Variants in AK5 observed in about 807,000 individuals in gnomAD.
AK5 encodes the protein adenylate kinase 5.
A neutral mutation model predicts 69.5 loss-of-function variants in AK5; 27 were observed. The observed-to-expected ratio is 0.39, with a 90% CI of 0.29 to 0.54. The LOEUF (loss-of-function observed/expected upper bound fraction) is 0.54, where lower values mean the gene tolerates loss of function less well. Among genes scored for constraint, AK5 ranks in the 20% least tolerant of loss-of-function variants. AK5 has a pLI of 0.71. For synonymous variants in AK5, 260 were observed against 244.4 expected (o/e 1.06, Z -0.60); for missense variants, 531 against 700.4 (o/e 0.76, Z 2.73).
chr1:77,286,859 T>C, intron 1 of AK5, 82 bp from the exon 2 acceptor site: 1 of 889,694 alleles, frequency 1.1e-6, no homozygotes, highest in Non-Finnish European at 1.5e-6. Flanking sequence ...AAAAATTAAT[T>C]AATTAAATTA....
chr1:77,529,538 T>C (rs1658467334), intron 12 of AK5, among the ~76,000 whole-genome samples: 1 of 152,192 alleles, frequency 6.6e-6, no homozygotes. Flanking sequence ...TTGGTCAGGC[T>C]AGTCTTGAAC....
At chr1:77,427,382 C>T (rs533434813) in intron 8 of AK5, among the ~76,000 whole-genome samples, 34 of 152,110 alleles carry the variant, frequency 2.2e-4, no homozygotes, top group Non-Finnish European at 3.5e-4. Flanking sequence ...GCTATGCCCA[C>T]GAATTTGATA....
At chr1:77,493,425 TG>T (rs1005955410) in intron 10 of AK5, among the ~76,000 whole-genome samples, 14 of 152,186 alleles carry the variant, frequency 9.2e-5, no homozygotes, top group Admixed American at 7.2e-4. Context: ...TGGAACTCCT[TG>T]GCCTCTATAA....
chr1:77,411,480 C>T (rs906457041), intron 7 of AK5, among the ~76,000 whole-genome samples: 45 of 152,152 alleles, frequency 3.0e-4, no homozygotes, highest in African/African-American at 9.7e-4. Context: ...ACTCCCATCC[C>T]AACCCACAGC....
intron 8 of AK5, among the ~76,000 whole-genome samples, chr1:77,441,134 G>A (rs1013893498): frequency 3.3e-5 from 5 of 151,958 alleles, no homozygotes; most frequent in South Asian, 2.1e-4. Flanking sequence ...CTTTAGCTGC[G>A]GGATTTCTGT....
At chr1:77,412,192 G>T (rs753944473) in intron 7 of AK5, among the ~76,000 whole-genome samples, 1 of 152,136 alleles carries the variant, frequency 6.6e-6, no homozygotes, top group East Asian at 1.9e-4. Flanking sequence ...CCAGCACTTC[G>T]TGGCTCCCTA....
At position 77,510,924 on chromosome 1, in the gene AK5, C is replaced by T. The variant is rs1657311951; in HGVS notation, c.1148-7640C>T. 2.7e-5 allele frequency among the ~76,000 whole-genome samples: 4 copies of T among 150,598 alleles called. No homozygotes were observed. In the South Asian group the frequency reaches 8.3e-4, roughly 31 times the overall value. On this transcript the variant is annotated intron_variant, in intron 10 of 13. Coordinates refer to ENST00000354567, the MANE Select transcript of AK5 (RefSeq NM_174858.3). ...GTATCTGTACATACATATGCTTTAT[C>T]TATTAATATATTTTATATGTATATA...
chr1:77,355,058 T>C lies in AK5; in HGVS notation c.891+14490T>C, dbSNP rs193197272. On this transcript the variant is annotated intron_variant, in intron 6 of 13. Transcript: ENST00000354567. Reference sequence around the variant, plus strand: ...TTTCGTTTTTTTACCAAAGCTTTATTTAGAGTTCATATGTTCATGACAAAT... The same window carrying C: ...TTTCGTTTTTTTACCAAAGCTTTATCTAGAGTTCATATGTTCATGACAAAT... 1.1e-3 allele frequency among the ~76,000 whole-genome samples: 174 copies of C among 152,342 alleles called. 1 individual carries two copies. Among genetic ancestry groups the C allele is most frequent in the African/African-American group, 4.1e-3 (171 of 41,580 alleles).
At chr1:77,491,508 T>A (rs1003492215) in intron 10 of AK5, among the ~76,000 whole-genome samples, 2 of 152,098 alleles carry the variant, frequency 1.3e-5, no homozygotes, top group African/African-American at 2.4e-5. Context: ...GGTTTCACCA[T>A]GTTGGCCAGG....
chr1:77,416,920 T>C (rs965245699), intron 7 of AK5, among the ~76,000 whole-genome samples: 2 of 152,166 alleles, frequency 1.3e-5, no homozygotes, highest in Non-Finnish European at 1.5e-5. Context: ...GAAAGAGTTA[T>C]TAAATGAGAA....
Position 77,538,206 on chromosome 1 carries a change from G to A in AK5, c.1620+2168G>A, listed in dbSNP as rs184773926. Among the ~76,000 whole-genome samples, 5 of 152,010 alleles carry A rather than the reference G, an allele frequency of 3.3e-5. No homozygotes were observed. In the East Asian group the frequency reaches 9.7e-4, roughly 29 times the overall value. On this transcript the variant is annotated intron_variant, in intron 13 of 13. Coordinates refer to ENST00000354567, the MANE Select transcript of AK5 (RefSeq NM_174858.3). Reference sequence around the variant, plus strand: ...ATGCAAAAATTAACTGGACTTGGTGGTATATGCCTGCAGTCCCAGCTACTT... The same window carrying A: ...ATGCAAAAATTAACTGGACTTGGTGATATATGCCTGCAGTCCCAGCTACTT...
chr1:77,319,575 G>C (rs1342998660), intron 5 of AK5, among the ~76,000 whole-genome samples: 1 of 152,154 alleles, frequency 6.6e-6, no homozygotes, highest in Admixed American at 6.5e-5. Context: ...ACAAAAGGCT[G>C]CCCAGTGGTA....
intron 8 of AK5, among the ~76,000 whole-genome samples, chr1:77,427,236 T>TA (rs1651272133): frequency 6.6e-6 from 1 of 151,804 alleles, no homozygotes; most frequent in Non-Finnish European, 1.5e-5. Context: ...AAAAGATCCA[T>TA]AAAATCAATG....
chr1:77,491,731 A>G (rs574868519), intron 10 of AK5, among the ~76,000 whole-genome samples: 1 of 152,368 alleles, frequency 6.6e-6, no homozygotes, highest in African/African-American at 2.4e-5. Context: ...TAGCTGTAAT[A>G]GCAGTCAACA....
intron 6 of AK5, among the ~76,000 whole-genome samples, chr1:77,364,091 G>A (rs1646911034): frequency 6.6e-6 from 1 of 152,086 alleles, no homozygotes; most frequent in African/African-American, 2.4e-5. Context: ...AGGAAATAAA[G>A]TCCAACAATA....
chr1:77,333,404 G>A (rs1439922061), intron 5 of AK5, among the ~76,000 whole-genome samples: 1 of 152,020 alleles, frequency 6.6e-6, no homozygotes, highest in African/African-American at 2.4e-5. Flanking sequence ...TATTTATTCT[G>A]TTCAAATCTA....
intron 5 of AK5, among the ~76,000 whole-genome samples, chr1:77,318,097 A>G (rs1442422393): frequency 6.6e-6 from 1 of 152,236 alleles, no homozygotes; most frequent in Non-Finnish European, 1.5e-5. Flanking sequence ...TCACACTGCT[A>G]TAAAGAAATA....
At chr1:77,464,355 A>T (rs189735051) in intron 8 of AK5, among the ~76,000 whole-genome samples, 16 of 152,284 alleles carry the variant, frequency 1.1e-4, no homozygotes. Flanking sequence ...CCCAGTGCGC[A>T]GGCCGGTTGG....
At chr1:77,352,140 G>T (rs1243974226) in intron 6 of AK5, among the ~76,000 whole-genome samples, 1 of 152,016 alleles carries the variant, frequency 6.6e-6, no homozygotes, top group East Asian at 1.9e-4. Flanking sequence ...ATGTTGGCCA[G>T]GGTGGTCTCG....
Sources: allele counts gnomAD v4.1 joint callset (sites outside exome capture counted in the v4.1 genomes callset), GRCh38; gene constraint gnomAD v4.1.1; transcripts MANE v1.5; gene names NCBI Gene and HGNC (gene_info 2026-07-23, HGNC 2026-07-21).